The following DLG2 variants were observed in gnomAD, a reference collection of about 807,000 sequenced individuals.
DLG2 encodes discs large MAGUK scaffold protein 2.
DLG2 carries 45 observed loss-of-function variants against 132.5 expected under a neutral mutation model. The observed-to-expected ratio is 0.34, with a 90% CI of 0.27 to 0.44. The LOEUF (loss-of-function observed/expected upper bound fraction) is 0.44. Among genes scored for constraint, DLG2 ranks in the 20% least tolerant of loss-of-function variants. The probability of loss-of-function intolerance (pLI) is 1.00; values close to 1 mark genes in which losing one functional copy is unlikely to be tolerated. For missense variants in DLG2, 1,045 were observed against 1,196.9 expected (o/e 0.87, Z 1.87); for synonymous variants, 424 against 419.6 (o/e 1.01, Z -0.13).
At chr11:83,824,628 C>A (rs543044553) in intron 17 of DLG2, among the ~76,000 whole-genome samples, 2 of 152,268 alleles carry the variant, frequency 1.3e-5, no homozygotes, top group Admixed American at 6.5e-5. Flanking sequence ...TTAAAAAACA[C>A]TTTATCAGCA....
At chr11:85,442,713 T>A (rs993833665) in intron 3 of DLG2, among the ~76,000 whole-genome samples, 1 of 150,862 alleles carries the variant, frequency 6.6e-6, no homozygotes. Context: ...TAAAAAAAAA[T>A]AAAAAATAAA....
intron 7 of DLG2, among the ~76,000 whole-genome samples, chr11:84,485,691 A>C (rs2099148920): frequency 6.6e-6 from 1 of 152,194 alleles, no homozygotes; most frequent in African/African-American, 2.4e-5. Context: ...ATACATCAAC[A>C]GCAGAAACAG....
chr11:84,954,191 G>A (rs2154104661), intron 6 of DLG2, among the ~76,000 whole-genome samples: 1 of 152,012 alleles, frequency 6.6e-6, no homozygotes, highest in South Asian at 2.1e-4. Context: ...AAAAGTTTAA[G>A]TCTCACCTGG....
intron 6 of DLG2, among the ~76,000 whole-genome samples, chr11:84,729,482 C>T (rs751141120): frequency 4.6e-5 from 7 of 152,054 alleles, no homozygotes; most frequent in African/African-American, 7.2e-5. Flanking sequence ...TTTGCTGAAG[C>T]GTGTTTTACT....
intron 18 of DLG2, among the ~76,000 whole-genome samples, chr11:83,711,841 C>G (rs1165875988): frequency 2.8e-5 from 2 of 71,332 alleles, no homozygotes; most frequent in Non-Finnish European, 5.1e-5. Flanking sequence ...TTAGACTCTA[C>G]TTGGTGAAGC....
intron 18 of DLG2, among the ~76,000 whole-genome samples, chr11:83,641,937 AAG>A (rs1205295416): frequency 3.3e-5 from 5 of 150,924 alleles, no homozygotes; most frequent in Non-Finnish European, 7.4e-5. Flanking sequence ...GACATAGAAA[AAG>A]AGAGAGAGAT....
At chr11:85,459,220 T>C (rs1453756320) in intron 3 of DLG2, among the ~76,000 whole-genome samples, 1 of 152,176 alleles carries the variant, frequency 6.6e-6, no homozygotes, top group Non-Finnish European at 1.5e-5. Flanking sequence ...GCCTTTTGGT[T>C]GACTTCAGGA....
chr11:84,312,534 G>C (rs1252162868), intron 7 of DLG2, among the ~76,000 whole-genome samples: 1 of 152,070 alleles, frequency 6.6e-6, no homozygotes, highest in Non-Finnish European at 1.5e-5. Flanking sequence ...AAAGTTTAAA[G>C]AGATGCAGTA....
intron 6 of DLG2, among the ~76,000 whole-genome samples, chr11:84,934,961 C>T (rs1011765780): frequency 1.1e-4 from 17 of 152,202 alleles, no homozygotes; most frequent in Middle Eastern, 3.4e-3. Flanking sequence ...ACTGGAACTT[C>T]GAATTCATTA....
chr11:84,095,059 C>G (rs2097147214), intron 10 of DLG2, among the ~76,000 whole-genome samples: 1 of 149,316 alleles, frequency 6.7e-6, no homozygotes. Context: ...ATGTTATGAC[C>G]AAGAGAAAAA....
intron 18 of DLG2, among the ~76,000 whole-genome samples, chr11:83,746,554 A>T (rs1260654725): frequency 5.9e-5 from 9 of 151,906 alleles, no homozygotes; most frequent in Non-Finnish European, 1.2e-4. Flanking sequence ...AGGAAGGGGA[A>T]CATCACACAT....
chr11:85,438,871 C>G (rs2091629969), intron 3 of DLG2, among the ~76,000 whole-genome samples: 1 of 152,138 alleles, frequency 6.6e-6, no homozygotes, highest in African/African-American at 2.4e-5. Flanking sequence ...CTCTGATAAC[C>G]ACAAATCTGT....
chr11:83,692,483 T>C (rs558689868), intron 18 of DLG2, among the ~76,000 whole-genome samples: 1 of 152,060 alleles, frequency 6.6e-6, no homozygotes, highest in Admixed American at 6.6e-5. Context: ...GGGCTGGAGG[T>C]AGGGGGTGGG....
chr11:84,606,705 T>A (rs1026940474), intron 6 of DLG2, among the ~76,000 whole-genome samples: 3 of 152,092 alleles, frequency 2.0e-5, no homozygotes, highest in African/African-American at 7.2e-5. Context: ...TGCACTCGCA[T>A]TATGAAAGGG....
At chr11:84,598,250 G>A (rs936480741) in intron 6 of DLG2, among the ~76,000 whole-genome samples, 4 of 152,152 alleles carry the variant, frequency 2.6e-5, no homozygotes, top group African/African-American at 9.7e-5. Context: ...GTACTTGCAG[G>A]ATCTAGGTGT....
chr11:84,745,331 G>A (rs2065221110), intron 6 of DLG2, among the ~76,000 whole-genome samples: 1 of 152,102 alleles, frequency 6.6e-6, no homozygotes, highest in African/African-American at 2.4e-5. Flanking sequence ...TTGTGATAAT[G>A]AATCAGTTCT....
chr11:84,864,175 G>A (rs1254829443), intron 6 of DLG2, among the ~76,000 whole-genome samples: 2 of 152,140 alleles, frequency 1.3e-5, no homozygotes, highest in African/African-American at 2.4e-5. Flanking sequence ...TACACAGTAC[G>A]TTAAAAAGAG....
chr11:84,595,592 C>G (rs1371776528), intron 6 of DLG2, among the ~76,000 whole-genome samples: 3 of 152,060 alleles, frequency 2.0e-5, no homozygotes, highest in Admixed American at 2.0e-4. Context: ...AACTTCCTGG[C>G]TCTGCACAGA....
chr11:85,038,286 G>T (rs951100080), intron 6 of DLG2, among the ~76,000 whole-genome samples: 1 of 152,030 alleles, frequency 6.6e-6, no homozygotes, highest in Non-Finnish European at 1.5e-5. Context: ...GATAATTTTT[G>T]TGAAGTCACT....
Sources: gnomAD v4.1 joint callset for allele counts (sites outside exome capture counted in the v4.1 genomes callset) on GRCh38, gnomAD v4.1.1 for gene constraint, MANE v1.5 for transcripts, NCBI Gene and HGNC (gene_info 2026-07-23, HGNC 2026-07-21) for gene names.